HDAC9: variants seen among roughly 807,000 people sequenced by gnomAD.
The protein encoded by HDAC9 is MEF-2 interacting transcription repressor (MITR) protein.
In HDAC9, 41 loss-of-function variants were observed where a neutral mutation model predicts 139.4. The observed-to-expected ratio is 0.29, with a 90% confidence interval of 0.23 to 0.38. HDAC9 has a LOEUF of 0.38. Among genes scored for constraint, HDAC9 ranks in the 10% least tolerant of loss-of-function variants. The pLI is 1.00. For missense variants in HDAC9, 1,147 were observed against 1,297.0 expected (o/e 0.88, Z 1.78); for synonymous variants, 517 against 476.2 (o/e 1.09, Z -1.12).
At chr7:18,476,784 C>A (rs933199015) in intron 1 of HDAC9, among the ~76,000 whole-genome samples, 2 of 152,060 alleles carry the variant, frequency 1.3e-5, no homozygotes, top group African/African-American at 4.8e-5. Context: ...CACACAGGTC[C>A]CAAATAGATT....
At chr7:18,433,341 G>A (rs1184528593) in intron 1 of HDAC9, among the ~76,000 whole-genome samples, 2 of 152,140 alleles carry the variant, frequency 1.3e-5, no homozygotes, top group Admixed American at 6.5e-5. Context: ...CCAAGACAGG[G>A]ATGCCCACTT....
chr7:18,842,020 A>G (rs1295425656), intron 21 of HDAC9, among the ~76,000 whole-genome samples: 2 of 152,160 alleles, frequency 1.3e-5, no homozygotes, highest in African/African-American at 2.4e-5. Flanking sequence ...AATAGAATAT[A>G]TAGTGAAAAA....
intron 25 of HDAC9, among the ~76,000 whole-genome samples, chr7:18,978,984 T>C (rs934803108): frequency 2.0e-5 from 3 of 152,222 alleles, no homozygotes; most frequent in Non-Finnish European, 4.4e-5. Context: ...CAAACAAACT[T>C]GAAAGTTAGA....
chr7:18,856,975 C>T (rs1298971539), intron 21 of HDAC9, among the ~76,000 whole-genome samples: 1 of 152,150 alleles, frequency 6.6e-6, no homozygotes, highest in Non-Finnish European at 1.5e-5. Flanking sequence ...GTTATTCAGT[C>T]TGTTCATATA....
intron 21 of HDAC9, among the ~76,000 whole-genome samples, chr7:18,849,624 G>T (rs1025210861): frequency 2.0e-5 from 3 of 151,966 alleles, no homozygotes; most frequent in Non-Finnish European, 4.4e-5. Context: ...ACATATAATT[G>T]GTTTTATAGG....
Position 18,999,271 on chromosome 7 carries a change from T to C in HDAC9, c.*3209T>C, listed in dbSNP as rs1219036616. On this transcript the variant is annotated 3_prime_UTR_variant, in exon 26 of 26. Coordinates refer to ENST00000686413, the MANE Select transcript of HDAC9 (RefSeq NM_178425.4). ...CATGGCCTTGAAAGCAGGGATCTCC[T>C]CCCACAAAGGCTTCAGAAATTACAG... The C allele has an allele frequency of 1.3e-5, 2 of 152,180 alleles. No individual in the cohort carries two copies. The highest frequency in any genetic ancestry group is 2.9e-5 in the Non-Finnish European group (2 of 68,042). 9.4% of individuals were successfully genotyped at this position (152,180 alleles called of 1,614,324 possible).
chr7:18,513,191 A>G (rs1361227852), intron 2 of HDAC9, among the ~76,000 whole-genome samples: 1 of 152,222 alleles, frequency 6.6e-6, no homozygotes, highest in Non-Finnish European at 1.5e-5. Context: ...TGTATCATGC[A>G]TGTAGGATCT....
intron 15 of HDAC9, among the ~76,000 whole-genome samples, chr7:18,763,159 A>G (rs772830088): frequency 1.8e-4 from 27 of 152,212 alleles, no homozygotes; most frequent in Admixed American, 3.3e-4. Flanking sequence ...CTAATTCAAT[A>G]TTATTTCAAA....
chr7:18,126,926 A>G (rs1784709295), intron 1 of HDAC9, among the ~76,000 whole-genome samples: 1 of 152,216 alleles, frequency 6.6e-6, no homozygotes, highest in Non-Finnish European at 1.5e-5. Context: ...ATGAAAAAGT[A>G]TCTTTCTAAT....
intron 14 of HDAC9, among the ~76,000 whole-genome samples, chr7:18,754,334 T>C (rs1292785818): frequency 6.6e-6 from 1 of 152,016 alleles, no homozygotes; most frequent in African/African-American, 2.4e-5. Flanking sequence ...ATGTGCATGC[T>C]CCTGAAGAAA....
At chr7:18,107,506 GCT>G (rs149147226) in intron 1 of HDAC9, among the ~76,000 whole-genome samples, 86 of 147,040 alleles carry the variant, frequency 5.8e-4, no homozygotes, top group Admixed American at 1.0e-3. Context: ...TCTCTTTCTT[GCT>G]CTCTCTCTCT....
chr7:18,588,870 T>A (rs956175660), intron 3 of HDAC9, among the ~76,000 whole-genome samples: 2 of 152,220 alleles, frequency 1.3e-5, no homozygotes, highest in African/African-American at 4.8e-5. Flanking sequence ...ATTCTCCACT[T>A]GTGGCATCAT....
chr7:18,139,727 G>A (rs976262050), intron 1 of HDAC9, among the ~76,000 whole-genome samples: 1 of 152,134 alleles, frequency 6.6e-6, no homozygotes, highest in Non-Finnish European at 1.5e-5. Context: ...TGATTATTCT[G>A]TATTGTCCAG....
At chr7:18,234,335 T>C (rs1793673815) in intron 2 of HDAC9, among the ~76,000 whole-genome samples, 1 of 152,196 alleles carries the variant, frequency 6.6e-6, no homozygotes, top group African/African-American at 2.4e-5. Context: ...ATTGCCAATA[T>C]GTAGAAGAGA....
intron 2 of HDAC9, among the ~76,000 whole-genome samples, chr7:18,168,897 T>TTTGTGTG (rs1351720169): frequency 5.3e-5 from 5 of 94,342 alleles, no homozygotes; most frequent in South Asian, 3.8e-4. Flanking sequence ...TTTTTTTTTT[T>TTTGTGTG]TGTGTGTGTG....
intron 2 of HDAC9, among the ~76,000 whole-genome samples, chr7:18,555,416 T>C (rs1349211558): frequency 2.6e-5 from 4 of 152,198 alleles, no homozygotes; most frequent in African/African-American, 9.6e-5. Flanking sequence ...CCAATTCTAA[T>C]GGATAATTTT....
In HDAC9 at chr7:18,143,749, C is replaced by A. The variant is rs925057203; in HGVS notation, c.-96-18480C>A. 3.4e-5 allele frequency among the ~76,000 whole-genome samples: 5 copies of A among 148,906 alleles called. No individual in the cohort carries two copies. The Admixed American group carries it at 3.4e-4, about 10-fold the overall frequency. Reference sequence around the variant, plus strand: ...CGGAGGTTGCAGTGAGCCACGATCGCACCATTACACTCTAGCCTGGGTGAC... The same window carrying A: ...CGGAGGTTGCAGTGAGCCACGATCGAACCATTACACTCTAGCCTGGGTGAC... On this transcript the variant is annotated intron_variant, in intron 1 of 12. Coordinates refer to the HDAC9 transcript ENST00000417496.
At chr7:18,553,591 A>C (rs1471662066) in intron 2 of HDAC9, among the ~76,000 whole-genome samples, 1 of 152,198 alleles carries the variant, frequency 6.6e-6, no homozygotes. Context: ...ATTCTGCTTT[A>C]ATTCCGGGTA....
chr7:18,485,997 C>T (rs1487203099), intron 1 of HDAC9, among the ~76,000 whole-genome samples: 1 of 152,114 alleles, frequency 6.6e-6, no homozygotes, highest in Admixed American at 6.6e-5. Context: ...GTTCTGGAGG[C>T]TGGGAAATCC....
Sources: gnomAD v4.1 joint callset for allele counts (sites outside exome capture counted in the v4.1 genomes callset) on GRCh38, gnomAD v4.1.1 for gene constraint, MANE v1.5 for transcripts, NCBI Gene and HGNC (gene_info 2026-07-23, HGNC 2026-07-21) for gene names.